Variants in KNCN observed in about 807,000 individuals in gnomAD.
KNCN encodes kinocilin.
A neutral mutation model predicts 10.4 loss-of-function variants in KNCN; 11 were observed. The observed-to-expected ratio is 1.06, with a 90% CI of 0.67 to 1.75. The LOEUF (loss-of-function observed/expected upper bound fraction) is 1.75, where lower values mean the gene tolerates loss of function less well. Ranked by LOEUF, KNCN falls within the 40% of genes most tolerant of loss-of-function variation. The probability of loss-of-function intolerance (pLI) is 0.00; values close to 1 mark genes in which losing one functional copy is unlikely to be tolerated. For missense variants in KNCN, 172 were observed against 167.1 expected (o/e 1.03, Z -0.16); for synonymous variants, 67 against 71.6 (o/e 0.94, Z 0.33).
At position 46,549,135 on chromosome 1, in the gene KNCN, CTG is replaced by C. The variant is rs558080795; in HGVS notation, c.295+56_295+57del. ...CAGCCTGGGCAACACGAGCAAAACT[CTG>C]TCTCAAAAAAAAAAAAGAAAAAAGA... On this transcript the variant is annotated intron_variant, in intron 3 of 3. Coordinates refer to ENST00000481882, the MANE Select transcript of KNCN (RefSeq NM_001322255.2). 1.4e-4 allele frequency: 180 copies of C among 1,309,410 alleles called. No homozygotes were observed. The South Asian group carries it at 2.2e-3, about 16-fold the overall frequency. 81.1% of individuals were successfully genotyped at this position (1,309,410 alleles called of 1,614,324 possible).
Position 46,546,502 on chromosome 1 carries a change from A to G in KNCN, c.*1228T>C, listed in dbSNP as rs1666945251. Reference sequence around the variant, plus strand: ...TTCTAGCTTGTCTTCTGCTCACTAAACCAGGCCAGAGGCCGTATGGAGAGG... The same window carrying G: ...TTCTAGCTTGTCTTCTGCTCACTAAGCCAGGCCAGAGGCCGTATGGAGAGG... On this transcript the variant is annotated 3_prime_UTR_variant, in exon 4 of 4. Transcript: ENST00000481882. 6.6e-6 allele frequency: 1 copy of G among 152,220 alleles called. No individual in the cohort carries two copies. The highest frequency in any genetic ancestry group is 1.5e-5 in the Non-Finnish European group (1 of 68,048). The allele number at this position is 152,220 out of a possible 1,614,324, so 9.4% of individuals were successfully genotyped here.
At chr1:46,550,304 G>A (rs1014124810) in intron 1 of KNCN, among the ~76,000 whole-genome samples, 2 of 152,218 alleles carry the variant, frequency 1.3e-5, no homozygotes, top group South Asian at 2.1e-4. Flanking sequence ...CCACCACTGC[G>A]TCTCTGCTGT....
chr1:46,550,914 CCT>C, intron 1 of KNCN, 149 bp downstream of exon 1: 1 of 695,368 alleles, frequency 1.4e-6, no homozygotes. Context: ...CGCCTGTGCC[CCT>C]GATGGCGGCC....
In KNCN at chr1:46,549,215, G is replaced by T. The variant is rs1667015680; in HGVS notation, c.273C>A (p.Ser91=). The T allele has an allele frequency of 1.2e-6, 2 of 1,613,108 alleles. No homozygotes were observed. Among genetic ancestry groups the T allele is most frequent in the African/African-American group, 1.3e-5 (1 of 74,874 alleles). The change falls in exon 3 of 4, where the codon TCC becomes TCA. Residue 91 remains serine (S), a synonymous_variant. Transcript: ENST00000481882. The part of the protein sequence containing the change: ...HPGADHGEGR[S]STNGNKEGAR... ...TACCTTCCTTGTTGCCATTGGTGCT[G>T]GATCTTCCTTCCCCGTGGTCTGCCC...
intron 1 of KNCN, among the ~76,000 whole-genome samples, chr1:46,550,374 C>A (rs2148509562): frequency 6.6e-6 from 1 of 152,314 alleles, no homozygotes; most frequent in Non-Finnish European, 1.5e-5. Flanking sequence ...GCATGTTCCT[C>A]CCCACCCAGA....
rs1373797883 is a variant in KNCN at position 46,547,789 on chromosome 1, T to C, written c.316A>G (p.Thr106Ala). The C allele has an allele frequency of 2.7e-6, 4 of 1,462,392 alleles. No individual in the cohort carries two copies. In the African/African-American group the frequency reaches 4.3e-5, roughly 16 times the overall value. The allele number at this position is 1,462,392 out of a possible 1,614,324, so 90.6% of individuals were successfully genotyped here. A position where few individuals can be genotyped will look rare whatever the true frequency, so the allele number is the denominator to read the frequency against. The change falls in exon 4 of 4, where the codon ACC becomes GCC. Residue 106 changes from threonine to alanine, a missense_variant. Physicochemically the swap from Thr to Ala is moderately conservative, Grantham distance 58. Coordinates refer to ENST00000481882, the MANE Select transcript of KNCN (RefSeq NM_001322255.2). ...NKEGARSSLS[T>A]VSRTLEKLKP... Reference sequence around the variant, plus strand: ...AGCTTCTCCAGGGTCCTGCTCACGGTGGACAGGCTGCTGCGGGCTCCTGGG... The same window carrying C: ...AGCTTCTCCAGGGTCCTGCTCACGGCGGACAGGCTGCTGCGGGCTCCTGGG...
intron 2 of KNCN, 110 bp downstream of exon 2, chr1:46,549,824 G>T (rs1569936524): frequency 6.5e-7 from 1 of 1,535,132 alleles, no homozygotes; most frequent in Non-Finnish European, 8.8e-7. Flanking sequence ...AGCTAGCGCG[G>T]TCTCACACAT....
chr1:46,549,271 C>A lies in KNCN; in HGVS notation c.221-4G>T, dbSNP rs1386979812. 3.1e-6 allele frequency: 5 copies of A among 1,609,540 alleles called. No individual in the cohort carries two copies. The highest frequency in any genetic ancestry group is 2.7e-5 in the African/African-American group (2 of 74,722). The stretch of plus-strand genomic sequence containing the variant: ...TGGGGATGGATTCTTAGGCTCCCTG[C>A]AGGATGAGACCACCCCAAGCCCCCT... On this transcript the variant is annotated splice_polypyrimidine_tract_variant and splice_region_variant and intron_variant, in intron 2 of 3. Coordinates refer to ENST00000481882, the MANE Select transcript of KNCN (RefSeq NM_001322255.2).
At chr1:46,548,738 C>T (rs1666999144) in intron 3 of KNCN, among the ~76,000 whole-genome samples, 1 of 152,158 alleles carries the variant, frequency 6.6e-6, no homozygotes, top group Non-Finnish European at 1.5e-5. Context: ...GACTGTGCAC[C>T]TGGGGAAAGT....
In KNCN at chr1:46,547,020, G is replaced by C; in HGVS notation, c.*710C>G. On this transcript the variant is annotated 3_prime_UTR_variant, in exon 4 of 4. Coordinates refer to ENST00000481882, the MANE Select transcript of KNCN (RefSeq NM_001322255.2). ...GTGAGAAGATGGGAGGAAGAGAGAA[G>C]TCAGATCACAAAAAGCCTTGAGTGG... The C allele has an allele frequency of 4.8e-6, 1 of 209,578 alleles. No individual in the cohort carries two copies. Among genetic ancestry groups the C allele is most frequent in the African/African-American group, 2.3e-5 (1 of 43,430 alleles). 13.0% of individuals were successfully genotyped at this position (209,578 alleles called of 1,614,324 possible).
Position 46,547,457 on chromosome 1 carries a change from A to G in KNCN, c.*273T>C, listed in dbSNP as rs1211696689. ...AAAGCTGAGCTGCAGTCCAGAAAGA[A>G]AGGCCAGGGCAGGAGCCTGAAACAT... is the stretch of plus-strand genomic sequence containing the variant. On this transcript the variant is annotated 3_prime_UTR_variant, in exon 4 of 4. Coordinates refer to ENST00000481882, the MANE Select transcript of KNCN (RefSeq NM_001322255.2). 11 of 672,140 alleles carry G rather than the reference A, an allele frequency of 1.6e-5. No homozygotes were observed. The highest frequency in any genetic ancestry group is 2.7e-5 in the Non-Finnish European group (10 of 365,042). 41.6% of individuals were successfully genotyped at this position (672,140 alleles called of 1,614,324 possible).
rs376181958 is a variant in KNCN at position 46,549,287 on chromosome 1, C to T, written c.221-20G>A. On this transcript the variant is annotated intron_variant, in intron 2 of 3. Coordinates refer to ENST00000481882, the MANE Select transcript of KNCN (RefSeq NM_001322255.2). The stretch of plus-strand genomic sequence containing the variant: ...GGCTCCCTGCAGGATGAGACCACCC[C>T]AAGCCCCCTGATTACTGAGCCATTC... 15 of 1,583,328 alleles carry T rather than the reference C, an allele frequency of 9.5e-6. No individual in the cohort carries two copies. The highest frequency in any genetic ancestry group is 1.3e-5 in the Non-Finnish European group (15 of 1,164,726).
In KNCN at chr1:46,551,421, G is replaced by A. The variant is rs1667064317; in HGVS notation, c.-206C>T. Reference sequence around the variant, plus strand: ...ACTACGGGCCCCCCAGTCCCACCTTGACCAGGGATCTGTACGAGGTCACCC... The same window carrying A: ...ACTACGGGCCCCCCAGTCCCACCTTAACCAGGGATCTGTACGAGGTCACCC... On this transcript the variant is annotated 5_prime_UTR_variant, in exon 1 of 4. Transcript: ENST00000481882. The surrounding 1 kb of genome is among the most constrained non-coding windows in gnomAD (Gnocchi z 4.0). 1.9e-6 allele frequency: 1 copy of A among 539,730 alleles called. No homozygotes were observed. The highest frequency in any genetic ancestry group is 3.2e-6 in the Non-Finnish European group (1 of 314,432). The allele number at this position is 539,730 out of a possible 1,614,324, so 33.4% of individuals were successfully genotyped here.
At position 46,550,291 on chromosome 1, in the gene KNCN, A is replaced by G. The variant is rs137871025; in HGVS notation, c.152-289T>C. On this transcript the variant is annotated intron_variant, in intron 1 of 3. Coordinates refer to ENST00000481882, the MANE Select transcript of KNCN (RefSeq NM_001322255.2). ...CAGGTTGCTGGAATGAGCCTGGCTGACACCACCACTGCGTCTCTGCTGTCC... is the reference window on the plus strand; with the variant it reads ...CAGGTTGCTGGAATGAGCCTGGCTGGCACCACCACTGCGTCTCTGCTGTCC... Among the ~76,000 whole-genome samples the G allele has an allele frequency of 1.8e-3, 269 of 152,184 alleles. 7 individuals are homozygous for G. In the East Asian group the frequency reaches 0.046, roughly 26 times the overall value.
intron 2 of KNCN, 74 bp from the exon 3 acceptor site, chr1:46,549,341 A>G (rs2148508886): frequency 8.9e-7 from 1 of 1,122,574 alleles, no homozygotes; most frequent in East Asian, 2.5e-5. Flanking sequence ...TGGGAAGGGA[A>G]GTCCTTCTTG....
rs753473936 is a variant in KNCN, at chr1:46,547,570, G to T, written c.*160C>A. The stretch of plus-strand genomic sequence containing the variant: ...CCATTTTGGAGAGGCTTGGCCGGGC[G>T]AGTGCAAAAGGCCCCATTCCAGACA... On this transcript the variant is annotated 3_prime_UTR_variant, in exon 4 of 4. Transcript: ENST00000481882. 2 of 720,022 alleles carry T rather than the reference G, an allele frequency of 2.8e-6. No individual in the cohort carries two copies. The highest frequency in any genetic ancestry group is 5.1e-6 in the Non-Finnish European group (2 of 391,450). The allele number at this position is 720,022 out of a possible 1,614,324, so 44.6% of individuals were successfully genotyped here.
At position 46,547,714 on chromosome 1, in the gene KNCN, C is replaced by G; in HGVS notation, c.*16G>C. ...GGATGGGAGGGCAGGGCATGGGCAGCCGCTCAGACTTTGCCTCAGCATTCC... is the reference window on the plus strand; with the variant it reads ...GGATGGGAGGGCAGGGCATGGGCAGGCGCTCAGACTTTGCCTCAGCATTCC... On this transcript the variant is annotated 3_prime_UTR_variant, in exon 4 of 4. Transcript: ENST00000481882. 1 of 1,516,576 alleles carries G rather than the reference C, an allele frequency of 6.6e-7. No individual in the cohort carries two copies. The highest frequency in any genetic ancestry group is 8.9e-7 in the Non-Finnish European group (1 of 1,127,336). The allele number at this position is 1,516,576 out of a possible 1,614,324, so 93.9% of individuals were successfully genotyped here.
chr1:46,546,996 T>G lies in KNCN; in HGVS notation c.*734A>C. On this transcript the variant is annotated 3_prime_UTR_variant, in exon 4 of 4. Transcript: ENST00000481882. Reference sequence around the variant, plus strand: ...TGTGTTTTGCTTGTTCAGGGAGCAGTGAGAAGATGGGAGGAAGAGAGAAGT... The same window carrying G: ...TGTGTTTTGCTTGTTCAGGGAGCAGGGAGAAGATGGGAGGAAGAGAGAAGT... 5.2e-6 allele frequency: 1 copy of G among 193,622 alleles called. No homozygotes were observed. Among genetic ancestry groups the G allele is most frequent in the Non-Finnish European group, 1.1e-5 (1 of 91,376 alleles). The allele number at this position is 193,622 out of a possible 1,614,324, so 12.0% of individuals were successfully genotyped here. A position where few individuals can be genotyped will look rare whatever the true frequency, so the allele number is the denominator to read the frequency against.
intron 3 of KNCN, among the ~76,000 whole-genome samples, chr1:46,548,809 G>A (rs147876017): frequency 2.0e-5 from 3 of 152,252 alleles, no homozygotes; most frequent in Non-Finnish European, 2.9e-5. Context: ...CAAGGCTCCC[G>A]GGCCCCATGG....
Sources: allele counts gnomAD v4.1 joint callset (sites outside exome capture counted in the v4.1 genomes callset), GRCh38; gene constraint gnomAD v4.1.1; non-coding constraint Gnocchi (gnomAD v3.1); transcripts MANE v1.5; gene names NCBI Gene and HGNC (gene_info 2026-07-23, HGNC 2026-07-21).